Variants in AHI1 observed in about 807,000 individuals in gnomAD.
AHI1 encodes jouberin.
AHI1 carries 123 observed loss-of-function variants against 149.3 expected under a neutral mutation model. The ratio of observed to expected loss-of-function variants is 0.82; its 90% confidence interval spans 0.71 to 0.96. The LOEUF (loss-of-function observed/expected upper bound fraction) is 0.96. Among genes scored for constraint, AHI1 ranks in the 40% least tolerant of loss-of-function variants. The pLI is 0.00. For missense variants in AHI1, 1,439 were observed against 1,422.7 expected, an observed-to-expected ratio of 1.01 and a Z score of -0.18; for synonymous variants, 475 against 459.8, an observed-to-expected ratio of 1.03 and a Z score of -0.42.
At chr6:135,438,718 T>C (rs1313586785) in intron 14 of AHI1, among the ~76,000 whole-genome samples, 1 of 152,128 alleles carries the variant, frequency 6.6e-6, no homozygotes, top group Non-Finnish European at 1.5e-5. Context: ...ATAATTTTGC[T>C]ACAATTATCA....
chr6:135,495,567 T>G (rs2128140590), intron 3 of AHI1: 1 of 152,384 alleles, frequency 6.6e-6, no homozygotes, highest in East Asian at 1.9e-4. Context: ...ACTTCTCTTC[T>G]GTGCTTCCAG....
chr6:135,301,639 T>C, intron 26 of AHI1: 19 of 985,412 alleles, frequency 1.9e-5, no homozygotes, highest in Non-Finnish European at 2.3e-5. Flanking sequence ...GAGCTTTAAG[T>C]CAAGCATAAT....
chr6:135,412,637 T>C (rs1367088274), intron 20 of AHI1, among the ~76,000 whole-genome samples: 1 of 152,206 alleles, frequency 6.6e-6, no homozygotes, highest in East Asian at 1.9e-4. Context: ...ATTACCTCAT[T>C]TGATCATTTA....
chr6:135,302,646 C>T, intron 26 of AHI1: 1 of 1,160,154 alleles, frequency 8.6e-7, no homozygotes, highest in Non-Finnish European at 1.1e-6. Context: ...CAAAGTTTAC[C>T]ACTTACTTGA....
At chr6:135,364,726 C>T (rs1401458902) in intron 23 of AHI1, among the ~76,000 whole-genome samples, 1 of 152,178 alleles carries the variant, frequency 6.6e-6, no homozygotes, top group Non-Finnish European at 1.5e-5. Context: ...CCCGTCTCCA[C>T]CAAAAAAATA....
chr6:135,467,758 T>G, intron 5 of AHI1, 124 bp from the exon 6 acceptor site: 1 of 595,156 alleles, frequency 1.7e-6, no homozygotes, highest in African/African-American at 1.9e-5. Flanking sequence ...TACCTGGACA[T>G]AGTGATACTA....
At chr6:135,368,296 T>C (rs1774486552) in intron 23 of AHI1, among the ~76,000 whole-genome samples, 1 of 152,094 alleles carries the variant, frequency 6.6e-6, no homozygotes, top group African/African-American at 2.4e-5. Context: ...TTTTGTTTAG[T>C]GTGCTGGTTT....
chr6:135,330,199 A>G (rs1295286628), intron 24 of AHI1, among the ~76,000 whole-genome samples: 2 of 152,204 alleles, frequency 1.3e-5, no homozygotes, highest in Non-Finnish European at 2.9e-5. Flanking sequence ...CTTTGGGTAA[A>G]ATGCTATCAG....
chr6:135,357,717 C>G (rs1485003259), intron 24 of AHI1, among the ~76,000 whole-genome samples: 3 of 152,100 alleles, frequency 2.0e-5, no homozygotes, highest in Non-Finnish European at 4.4e-5. Flanking sequence ...TCTATTAATA[C>G]AACTTTTTAA....
intron 23 of AHI1, chr6:135,394,510 G>A: frequency 2.5e-6 from 1 of 407,418 alleles, no homozygotes; most frequent in East Asian, 5.3e-5. Flanking sequence ...TTAACATCAT[G>A]CAGGTTTAAA....
At chr6:135,463,697 T>C (rs1790289562) in intron 7 of AHI1, among the ~76,000 whole-genome samples, 1 of 152,236 alleles carries the variant, frequency 6.6e-6, no homozygotes, top group Non-Finnish European at 1.5e-5. Flanking sequence ...AAAAGTATTC[T>C]AGGTTTGTTC....
Position 135,484,004 on chromosome 6 carries a change from A to C in AHI1, c.135+6619T>G, listed in dbSNP as rs577726642. 3.4e-4 allele frequency among the ~76,000 whole-genome samples: 51 copies of C among 151,834 alleles called. No homozygotes were observed. The East Asian group carries it at 9.0e-3, about 27-fold the overall frequency. Reference sequence around the variant, plus strand: ...GGCAATTTACAAATGAAAGAGGTTTAATGGACTTAAAGTTCCACATGGCTG... The same window carrying C: ...GGCAATTTACAAATGAAAGAGGTTTCATGGACTTAAAGTTCCACATGGCTG... On this transcript the variant is annotated intron_variant, in intron 5 of 28. Transcript: ENST00000265602.
intron 24 of AHI1, among the ~76,000 whole-genome samples, chr6:135,336,966 T>C (rs1268798329): frequency 6.6e-6 from 1 of 152,186 alleles, no homozygotes; most frequent in Non-Finnish European, 1.5e-5. Flanking sequence ...TGCCTTAGTT[T>C]CCTTAACTAT....
rs1424214113 is a variant in AHI1 at position 135,374,118 on chromosome 6, T to A, written c.3110-15931A>T. Among the ~76,000 whole-genome samples the A allele has an allele frequency of 4.7e-3, 569 of 120,912 alleles. 5 individuals carry two copies. Among genetic ancestry groups the A allele is most frequent in the African/African-American group, 0.019 (541 of 27,958 alleles). 79.3% of individuals were successfully genotyped at this position (120,912 alleles called of 152,430 possible). The stretch of plus-strand genomic sequence containing the variant: ...TATATATATATATATATTTTTTTTT[T>A]TTTTTTTTTTTTTGAGATGGAGTCT... On this transcript the variant is annotated intron_variant, in intron 23 of 28. Coordinates refer to ENST00000265602, the MANE Select transcript of AHI1 (RefSeq NM_001134831.2).
chr6:135,438,630 C>CA, intron 14 of AHI1, 132 bp from the exon 15 acceptor site: 1 of 700,218 alleles, frequency 1.4e-6, no homozygotes, highest in Admixed American at 4.4e-5. Context: ...ATTTGCAGCA[C>CA]AGAGAAAATT....
intron 5 of AHI1, among the ~76,000 whole-genome samples, chr6:135,488,787 G>C (rs1351399596): frequency 2.0e-5 from 3 of 152,020 alleles, no homozygotes; most frequent in African/African-American, 2.4e-5. Context: ...AGGACTCCCT[G>C]TTCTTCTTTC....
chr6:135,356,227 T>C (rs972274373), intron 24 of AHI1, among the ~76,000 whole-genome samples: 1 of 152,208 alleles, frequency 6.6e-6, no homozygotes. Flanking sequence ...CTTCTTTTTT[T>C]GGGTCAGTAG....
chr6:135,493,772 G>A (rs897505303), intron 3 of AHI1, among the ~76,000 whole-genome samples: 2 of 152,076 alleles, frequency 1.3e-5, no homozygotes, highest in Non-Finnish European at 2.9e-5. Flanking sequence ...GCTGGGCGCC[G>A]TGGCTCATGT....
At chr6:135,454,644 T>C (rs1788631407) in intron 10 of AHI1, among the ~76,000 whole-genome samples, 1 of 152,208 alleles carries the variant, frequency 6.6e-6, no homozygotes. Flanking sequence ...AAAAAGCAGT[T>C]GCATAGGCAA....
Sources: gnomAD v4.1 joint callset for allele counts (sites outside exome capture counted in the v4.1 genomes callset) on GRCh38, gnomAD v4.1.1 for gene constraint, MANE v1.5 for transcripts, NCBI Gene and HGNC (gene_info 2026-07-23, HGNC 2026-07-21) for gene names.